Variants in CTNNA2 observed in about 807,000 individuals in gnomAD.
CTNNA2 encodes the protein catenin alpha-2.
Under a neutral mutation model 101.0 loss-of-function variants are expected in CTNNA2, and 42 were observed. That is an observed-to-expected ratio of 0.42 (90% CI 0.32 to 0.54). CTNNA2 has a LOEUF of 0.54. CTNNA2 is among the 20% of genes least tolerant of loss of function. The pLI, the probability that CTNNA2 is intolerant of heterozygous loss-of-function variation, is 0.14. For synonymous variants in CTNNA2, 450 were observed against 456.4 expected, an observed-to-expected ratio of 0.99 and a Z score of 0.18; for missense variants, 871 against 1,223.1, an observed-to-expected ratio of 0.71 and a Z score of 4.29.
chr2:80,475,416 A>T (rs1685649656), intron 9 of CTNNA2, among the ~76,000 whole-genome samples: 1 of 152,204 alleles, frequency 6.6e-6, no homozygotes, highest in Non-Finnish European at 1.5e-5. Flanking sequence ...GCTCATAAAG[A>T]TATTTTTAAT....
intron 4 of CTNNA2, among the ~76,000 whole-genome samples, chr2:79,419,220 T>A (rs1678514336): frequency 6.6e-6 from 1 of 152,232 alleles, no homozygotes; most frequent in African/African-American, 2.4e-5. Flanking sequence ...ACAGACTCAG[T>A]TTCTTATTTC....
At chr2:79,598,474 G>T (rs574229109) in intron 1 of CTNNA2, among the ~76,000 whole-genome samples, 3 of 152,316 alleles carry the variant, frequency 2.0e-5, no homozygotes, top group Non-Finnish European at 2.9e-5. Context: ...CCAGCATTTG[G>T]TGCTGTCAGT....
At chr2:79,494,717 G>T (rs1438804487) in intron 4 of CTNNA2, among the ~76,000 whole-genome samples, 1 of 152,012 alleles carries the variant, frequency 6.6e-6, no homozygotes, top group African/African-American at 2.4e-5. Context: ...AAAAACATTC[G>T]TATAAATCTT....
chr2:80,623,115 G>A (rs62152006), intron 18 of CTNNA2, among the ~76,000 whole-genome samples: 6,875 of 150,006 alleles, frequency 0.046, 161 homozygotes, highest in Non-Finnish European at 0.057. Flanking sequence ...AAAATGATGA[G>A]GATGACAACT....
chr2:80,376,098 A>C (rs1306554280), intron 7 of CTNNA2, among the ~76,000 whole-genome samples: 1 of 152,112 alleles, frequency 6.6e-6, no homozygotes, highest in Non-Finnish European at 1.5e-5. Context: ...TATAAAAATG[A>C]ATCTTTTTTT....
intron 2 of CTNNA2, among the ~76,000 whole-genome samples, chr2:79,263,820 A>T (rs1363468279): frequency 6.6e-6 from 1 of 152,160 alleles, no homozygotes; most frequent in Admixed American, 6.6e-5. Context: ...CTCGATCTTG[A>T]ACTTTCCAGC....
intron 11 of CTNNA2, among the ~76,000 whole-genome samples, chr2:80,547,927 G>T (rs1291877956): frequency 6.6e-6 from 1 of 151,896 alleles, no homozygotes; most frequent in African/African-American, 2.4e-5. Flanking sequence ...CCGGACCTCA[G>T]GTGATCCGCC....
intron 7 of CTNNA2, among the ~76,000 whole-genome samples, chr2:80,212,967 T>A (rs986980984): frequency 3.9e-5 from 6 of 152,176 alleles, no homozygotes; most frequent in Admixed American, 2.0e-4. Flanking sequence ...GAGGAATTTA[T>A]CCATTTCTTC....
chr2:79,796,847 C>T (rs1414136388), intron 3 of CTNNA2, among the ~76,000 whole-genome samples: 1 of 152,168 alleles, frequency 6.6e-6, no homozygotes, highest in Non-Finnish European at 1.5e-5. Flanking sequence ...TTATGCATTC[C>T]TGCTGTGGCC....
chr2:80,285,589 A>G lies in CTNNA2; in HGVS notation c.1057-107622A>G, dbSNP rs150582757. 3.2e-4 allele frequency among the ~76,000 whole-genome samples: 48 copies of G among 152,270 alleles called. No individual in the cohort carries two copies. In the East Asian group the frequency reaches 7.5e-3, roughly 24 times the overall value. ...AGGGTCATAGTCTGGGGACCAAGTC[A>G]TTATTCCCAAAATGTCCCTTTATTT... On this transcript the variant is annotated intron_variant, in intron 7 of 18. Coordinates refer to ENST00000402739, the MANE Select transcript of CTNNA2 (RefSeq NM_001282597.3).
At chr2:80,490,429 A>T (rs1686973879) in intron 9 of CTNNA2, among the ~76,000 whole-genome samples, 1 of 152,118 alleles carries the variant, frequency 6.6e-6, no homozygotes, top group Non-Finnish European at 1.5e-5. Context: ...AGCTGTGCTA[A>T]AATAACTTTA....
chr2:79,875,282 G>A (rs1682929258), intron 6 of CTNNA2, among the ~76,000 whole-genome samples: 2 of 152,182 alleles, frequency 1.3e-5, no homozygotes, highest in Admixed American at 1.3e-4. Context: ...CAGAGGACCT[G>A]TGAGAAGTTG....
At chr2:79,358,532 T>A (rs1677558288) in intron 3 of CTNNA2, among the ~76,000 whole-genome samples, 1 of 152,164 alleles carries the variant, frequency 6.6e-6, no homozygotes, top group African/African-American at 2.4e-5. Flanking sequence ...CGGTTTATTT[T>A]TATCTGTAAA....
chr2:80,436,470 G>A (rs373946502), intron 9 of CTNNA2, among the ~76,000 whole-genome samples: 2 of 151,902 alleles, frequency 1.3e-5, no homozygotes, highest in South Asian at 4.2e-4. Flanking sequence ...CAACAACGGG[G>A]GTTTGGGGAA....
At chr2:80,173,632 G>A (rs958711367) in intron 7 of CTNNA2, among the ~76,000 whole-genome samples, 2 of 152,178 alleles carry the variant, frequency 1.3e-5, no homozygotes, top group Non-Finnish European at 2.9e-5. Flanking sequence ...TGGTAAACAC[G>A]TTTTATGGGT....
chr2:80,146,570 C>G (rs985763985), intron 7 of CTNNA2, among the ~76,000 whole-genome samples: 1 of 152,100 alleles, frequency 6.6e-6, no homozygotes, highest in African/African-American at 2.4e-5. Flanking sequence ...AACTTACCCA[C>G]TTACTCTTTC....
At chr2:79,715,888 A>T (rs1686064696) in intron 2 of CTNNA2, among the ~76,000 whole-genome samples, 1 of 152,178 alleles carries the variant, frequency 6.6e-6, no homozygotes, top group Non-Finnish European at 1.5e-5. Flanking sequence ...AGACCAGGTT[A>T]CCTAAAAAAG....
intron 4 of CTNNA2, among the ~76,000 whole-genome samples, chr2:79,404,694 C>A (rs1007681681): frequency 6.6e-6 from 1 of 152,036 alleles, no homozygotes; most frequent in Admixed American, 6.6e-5. Context: ...TGTGGAACAC[C>A]TCACTCTGGG....
chr2:79,485,323 A>G (rs1671146931), intron 4 of CTNNA2, among the ~76,000 whole-genome samples: 1 of 152,200 alleles, frequency 6.6e-6, no homozygotes, highest in Non-Finnish European at 1.5e-5. Flanking sequence ...ATTTTAAACT[A>G]AAGGGATACC....
Sources: gnomAD v4.1 joint callset for allele counts (sites outside exome capture counted in the v4.1 genomes callset) on GRCh38, gnomAD v4.1.1 for gene constraint, MANE v1.5 for transcripts, NCBI Gene and HGNC (gene_info 2026-07-23, HGNC 2026-07-21) for gene names.